The following PTPRD variants were observed in gnomAD, a reference collection of about 807,000 sequenced individuals.
The protein encoded by PTPRD is protein tyrosine phosphatase receptor type D.
In PTPRD, 34 loss-of-function variants were observed where a neutral mutation model predicts 214.5. That is an observed-to-expected ratio of 0.16 (90% CI 0.12 to 0.21). The LOEUF is 0.21. Ranked by LOEUF, PTPRD falls within the 10% of genes least tolerant of loss-of-function variation. PTPRD has a pLI of 1.00. For synonymous variants in PTPRD, 1,128 were observed against 845.7 expected, an observed-to-expected ratio of 1.33 and a Z score of -5.79; for missense variants, 2,545 against 2,398.7, an observed-to-expected ratio of 1.06 and a Z score of -1.27.
chr9:8,577,160 G>A (rs1053240764), intron 14 of PTPRD, among the ~76,000 whole-genome samples: 2 of 152,136 alleles, frequency 1.3e-5, no homozygotes, highest in African/African-American at 4.8e-5. Context: ...AGCTAAATTA[G>A]AGTTCTGTGA....
At chr9:10,034,456 A>T (rs975030401) in intron 3 of PTPRD, among the ~76,000 whole-genome samples, 1 of 136,062 alleles carries the variant, frequency 7.3e-6, no homozygotes, top group South Asian at 2.3e-4. Flanking sequence ...TCAGGGGTAC[A>T]TGTGCAGTTT....
chr9:9,620,323 G>A (rs1422453879), intron 7 of PTPRD, among the ~76,000 whole-genome samples: 1 of 150,122 alleles, frequency 6.7e-6, no homozygotes. Flanking sequence ...ATGCCAAATT[G>A]TTCTTTAATC....
chr9:8,460,361 A>T lies in PTPRD; in HGVS notation c.3875+50T>A. The T allele has an allele frequency of 3.1e-6, 5 of 1,603,718 alleles. No individual in the cohort carries two copies. The East Asian group carries it at 1.1e-4, about 36-fold the overall frequency. On this transcript the variant is annotated intron_variant, in intron 33 of 45. Transcript: ENST00000381196. ...ACAGCAGAACAATGATCAAGTCTTC[A>T]AAAATAAGGCAGCCTCCAAAATTAC... is the stretch of plus-strand genomic sequence containing the variant.
chr9:8,580,415 T>G (rs530609377), intron 14 of PTPRD, among the ~76,000 whole-genome samples: 1 of 152,202 alleles, frequency 6.6e-6, no homozygotes, highest in Non-Finnish European at 1.5e-5. Context: ...TTGTAGAATA[T>G]AGACCCAAGG....
intron 11 of PTPRD, among the ~76,000 whole-genome samples, chr9:8,862,970 G>C (rs1161481995): frequency 6.6e-6 from 1 of 152,174 alleles, no homozygotes; most frequent in East Asian, 1.9e-4. Flanking sequence ...AATGCTAGAT[G>C]ACGCGTTAGT....
At chr9:9,209,974 G>T (rs1000791637) in intron 9 of PTPRD, among the ~76,000 whole-genome samples, 1 of 152,036 alleles carries the variant, frequency 6.6e-6, no homozygotes. Flanking sequence ...ATGCAGAAGG[G>T]CCCAGATAGA....
At chr9:8,968,975 A>T (rs2099218387) in intron 11 of PTPRD, among the ~76,000 whole-genome samples, 1 of 152,072 alleles carries the variant, frequency 6.6e-6, no homozygotes, top group South Asian at 2.1e-4. Context: ...AAAACTGACA[A>T]GAGATTTATA....
At chr9:8,726,631 A>C (rs2098574956) in intron 12 of PTPRD, among the ~76,000 whole-genome samples, 1 of 56,602 alleles carries the variant, frequency 1.8e-5, no homozygotes, top group African/African-American at 7.0e-5. Flanking sequence ...ATATATATAT[A>C]TATATATATA....
At position 10,190,885 on chromosome 9, in the gene PTPRD, C is replaced by T. The variant is rs113377481; in HGVS notation, c.-545+150078G>A. Among the ~76,000 whole-genome samples, 614 of 152,074 alleles carry T rather than the reference C, an allele frequency of 4.0e-3. 4 individuals are homozygous for T. Among genetic ancestry groups the T allele is most frequent in the African/African-American group, 0.014 (591 of 41,480 alleles). On this transcript the variant is annotated intron_variant, in intron 3 of 45. Coordinates refer to ENST00000381196, the MANE Select transcript of PTPRD (RefSeq NM_002839.4). ...ATGGGGTTTACCTGTGGCCAGCAGCCTCTCTAAGTAAATGTGAATCTAACT... is the reference window on the plus strand; with the variant it reads ...ATGGGGTTTACCTGTGGCCAGCAGCTTCTCTAAGTAAATGTGAATCTAACT...
At chr9:9,617,116 G>A (rs1328675940) in intron 7 of PTPRD, among the ~76,000 whole-genome samples, 2 of 152,098 alleles carry the variant, frequency 1.3e-5, no homozygotes, top group African/African-American at 4.8e-5. Context: ...GAGCTTAATT[G>A]TAAAGAATAG....
intron 3 of PTPRD, among the ~76,000 whole-genome samples, chr9:10,301,209 G>A (rs2095852390): frequency 6.6e-6 from 1 of 152,096 alleles, no homozygotes; most frequent in African/African-American, 2.4e-5. Flanking sequence ...CAAACAGAAA[G>A]GAAGAGCATC....
chr9:9,482,504 C>A (rs1331986949), intron 8 of PTPRD, among the ~76,000 whole-genome samples: 1 of 152,058 alleles, frequency 6.6e-6, no homozygotes, highest in Non-Finnish European at 1.5e-5. Flanking sequence ...CTTTCATTGT[C>A]CAGATACTTG....
chr9:8,375,888 C>G (rs2083101074), intron 39 of PTPRD, 48 bp downstream of exon 39: 2 of 1,579,884 alleles, frequency 1.3e-6, no homozygotes, highest in East Asian at 4.5e-5. Context: ...CAATGAGAGT[C>G]AATTTAGCTT....
intron 32 of PTPRD, among the ~76,000 whole-genome samples, chr9:8,463,820 C>T (rs1004681921): frequency 6.6e-6 from 1 of 151,836 alleles, no homozygotes; most frequent in Non-Finnish European, 1.5e-5. Flanking sequence ...CCAGTCTACC[C>T]TTGGAACATT....
chr9:10,301,233 G>T (rs920042903), intron 3 of PTPRD, among the ~76,000 whole-genome samples: 3 of 151,964 alleles, frequency 2.0e-5, no homozygotes, highest in Admixed American at 6.6e-5. Flanking sequence ...ATCAACAAAA[G>T]GGACGTCCAC....
chr9:8,353,872 A>ATG (rs1281305986), intron 39 of PTPRD, among the ~76,000 whole-genome samples: 7 of 145,866 alleles, frequency 4.8e-5, no homozygotes, highest in African/African-American at 1.8e-4. Context: ...ATATGTATAT[A>ATG]TGTATATATG....
At chr9:8,334,095 C>A (rs961055533) in intron 43 of PTPRD, among the ~76,000 whole-genome samples, 35 of 152,120 alleles carry the variant, frequency 2.3e-4, no homozygotes, top group Non-Finnish European at 1.0e-4. Flanking sequence ...TAATAGGAGA[C>A]TTTAACACCC....
At chr9:10,551,269 T>C (rs2061298894) in intron 2 of PTPRD, among the ~76,000 whole-genome samples, 1 of 152,110 alleles carries the variant, frequency 6.6e-6, no homozygotes, top group Non-Finnish European at 1.5e-5. Flanking sequence ...TGTCCAGAGG[T>C]TCCAGGTTAC....
chr9:9,773,052 G>T (rs569141716), intron 5 of PTPRD, among the ~76,000 whole-genome samples: 1 of 152,196 alleles, frequency 6.6e-6, no homozygotes, highest in Non-Finnish European at 1.5e-5. Context: ...GCTTTTATTT[G>T]TAAACCATGT....
Sources: gnomAD v4.1 joint callset for allele counts (sites outside exome capture counted in the v4.1 genomes callset) on GRCh38, gnomAD v4.1.1 for gene constraint, MANE v1.5 for transcripts, NCBI Gene and HGNC (gene_info 2026-07-23, HGNC 2026-07-21) for gene names.